Variants in MYOF observed in about 807,000 individuals in gnomAD.
MYOF encodes the protein fer-1-like 3, myoferlin.
MYOF carries 244 observed loss-of-function variants against 284.2 expected under a neutral mutation model. That is an observed-to-expected ratio of 0.86 (90% CI 0.77 to 0.95). The LOEUF is 0.95. MYOF is among the 40% of genes least tolerant of loss of function. MYOF has a pLI of 0.00. For synonymous variants in MYOF, 904 were observed against 919.7 expected, an observed-to-expected ratio of 0.98 and a Z score of 0.31; for missense variants, 2,496 against 2,560.6, an observed-to-expected ratio of 0.97 and a Z score of 0.54.
rs41290200 is a variant in MYOF at position 93,387,784 on chromosome 10, C to G, written c.1698+13G>C. 1.2e-6 allele frequency: 2 copies of G among 1,608,320 alleles called. No homozygotes were observed. The highest frequency in any genetic ancestry group is 4.5e-5 in the East Asian group (2 of 44,812). ...TTTTCTATACCATGCATTACTCACA[C>G]TTTAACATTTACCTCAACAACCAGC... On this transcript the variant is annotated intron_variant, in intron 19 of 53. Coordinates refer to ENST00000359263, the MANE Select transcript of MYOF (RefSeq NM_013451.4).
intron 21 of MYOF, 87 bp from the exon 22 acceptor site, chr10:93,377,516 G>A (rs777030352): frequency 3.6e-5 from 35 of 972,596 alleles, no homozygotes; most frequent in Non-Finnish European, 5.3e-5. Context: ...GTGAAATCAT[G>A]TAAATATTTT....
At chr10:93,375,463 G>T (rs145695880) in intron 22 of MYOF, among the ~76,000 whole-genome samples, 5 of 152,364 alleles carry the variant, frequency 3.3e-5, no homozygotes, top group Admixed American at 2.6e-4. Flanking sequence ...GTCTATCTGT[G>T]TCAACACGTA....
intron 2 of MYOF, among the ~76,000 whole-genome samples, chr10:93,453,311 G>A (rs1340474880): frequency 3.9e-5 from 6 of 151,942 alleles, no homozygotes; most frequent in African/African-American, 1.2e-4. Context: ...GATTACAGGC[G>A]CCTGCCACCA....
At position 93,361,454 on chromosome 10, in the gene MYOF, T is replaced by C; in HGVS notation, c.2972A>G (p.Lys991Arg). The change falls in exon 28 of 54, where the codon AAA becomes AGA. Residue 991 changes from lysine to arginine, a missense_variant and splice_region_variant. This residue lies in a region of MYOF where 2,436 missense variants were observed against 2,480.7 expected (regional missense o/e 0.98). Coordinates refer to ENST00000359263, the MANE Select transcript of MYOF (RefSeq NM_013451.4). The stretch of plus-strand genomic sequence containing the variant: ...AGGTCACAGATGTACAATGTTACCT[T>C]TCTCATCCACCGCTCGATTTATGTC... ...SYDINRAVDE[K>R]GWEYGITIPP... 6.2e-7 allele frequency: 1 copy of C among 1,614,094 alleles called. No individual in the cohort carries two copies. Among genetic ancestry groups the C allele is most frequent in the Non-Finnish European group, 8.5e-7 (1 of 1,179,948 alleles).
At chr10:93,392,327 T>C (rs928753495) in intron 17 of MYOF, among the ~76,000 whole-genome samples, 1 of 152,136 alleles carries the variant, frequency 6.6e-6, no homozygotes, top group Admixed American at 6.5e-5. Context: ...ATAATGAACC[T>C]CTCTAAACCT....
intron 2 of MYOF, among the ~76,000 whole-genome samples, chr10:93,454,721 T>C (rs2056691149): frequency 6.6e-6 from 1 of 152,056 alleles, no homozygotes; most frequent in Admixed American, 6.6e-5. Context: ...CTGACGCCTG[T>C]AAACTCAGCA....
intron 1 of MYOF, among the ~76,000 whole-genome samples, chr10:93,466,619 T>G (rs2057014073): frequency 6.6e-6 from 1 of 152,210 alleles, no homozygotes; most frequent in Non-Finnish European, 1.5e-5. Flanking sequence ...GCCAGGCACC[T>G]GGCTTGACTG....
At chr10:93,319,133 A>G (rs1393470803) in intron 49 of MYOF, among the ~76,000 whole-genome samples, 2 of 152,188 alleles carry the variant, frequency 1.3e-5, no homozygotes, top group African/African-American at 4.8e-5. Flanking sequence ...AGAGACATTG[A>G]GGCCCAATTA....
chr10:93,352,148 G>T (rs1273189356), intron 32 of MYOF, among the ~76,000 whole-genome samples: 1 of 152,168 alleles, frequency 6.6e-6, no homozygotes, highest in African/African-American at 2.4e-5. Flanking sequence ...GTTGAGTGAG[G>T]CTCTGCAGTC....
At chr10:93,482,071 A>G in intron 1 of MYOF, 36 bp downstream of exon 1, 1 of 1,569,654 alleles carries the variant, frequency 6.4e-7, no homozygotes, top group Non-Finnish European at 8.8e-7. Context: ...ACATTCCAAA[A>G]CAGGACTTCA....
At chr10:93,315,657 C>G (rs917935369) in intron 50 of MYOF, among the ~76,000 whole-genome samples, 3 of 152,148 alleles carry the variant, frequency 2.0e-5, no homozygotes, top group African/African-American at 7.2e-5. Flanking sequence ...TTTGACTGTA[C>G]TGCAGGCACT....
At chr10:93,401,811 G>A (rs1277844469) in intron 11 of MYOF, among the ~76,000 whole-genome samples, 1 of 83,216 alleles carries the variant, frequency 1.2e-5, no homozygotes, top group African/African-American at 3.2e-5. Context: ...GTGTGTGTGT[G>A]TGTGTGTGTG....
chr10:93,306,540 T>C lies in MYOF; in HGVS notation c.*423A>G, dbSNP rs1366565617. ...GCATAAATAAGAATTGTTCTAACTA[T>C]TCTAACTGATTTTATAATGCACAGC... is the stretch of plus-strand genomic sequence containing the variant. On this transcript the variant is annotated 3_prime_UTR_variant, in exon 54 of 54. Coordinates refer to ENST00000359263, the MANE Select transcript of MYOF (RefSeq NM_013451.4). 6.0e-6 allele frequency: 1 copy of C among 167,134 alleles called. No homozygotes were observed. Among genetic ancestry groups the C allele is most frequent in the Non-Finnish European group, 1.3e-5 (1 of 78,704 alleles). 10.4% of individuals were successfully genotyped at this position (167,134 alleles called of 1,614,324 possible). A position where few individuals can be genotyped will look rare whatever the true frequency, so the allele number is the denominator to read the frequency against.
chr10:93,319,194 G>A (rs1257710625), intron 49 of MYOF, among the ~76,000 whole-genome samples: 1 of 152,212 alleles, frequency 6.6e-6, no homozygotes, highest in Non-Finnish European at 1.5e-5. Context: ...TTCTGCTGAG[G>A]TTTGCGGGGA....
At chr10:93,474,154 C>A (rs1447865171) in intron 1 of MYOF, among the ~76,000 whole-genome samples, 1 of 152,110 alleles carries the variant, frequency 6.6e-6, no homozygotes, top group African/African-American at 2.4e-5. Context: ...CTTATTAGTG[C>A]CTTCCTTCTG....
intron 3 of MYOF, among the ~76,000 whole-genome samples, chr10:93,434,734 C>T (rs1457021294): frequency 6.6e-6 from 1 of 152,024 alleles, no homozygotes; most frequent in East Asian, 1.9e-4. Context: ...TTTACATTAA[C>T]AGAAAAAAAG....
At chr10:93,337,580 C>T (rs939434130) in intron 40 of MYOF, 3 of 469,844 alleles carry the variant, frequency 6.4e-6, no homozygotes, top group Non-Finnish European at 1.1e-5. Flanking sequence ...TGCCAGATGC[C>T]TCCAAGCCCC....
intron 19 of MYOF, among the ~76,000 whole-genome samples, chr10:93,384,366 G>A (rs576062880): frequency 7.9e-5 from 12 of 152,330 alleles, no homozygotes; most frequent in East Asian, 3.9e-4. Flanking sequence ...TGGGCTGGGC[G>A]TGGTGGTTTA....
intron 32 of MYOF, 56 bp from the exon 33 acceptor site, chr10:93,351,902 A>T (rs993442476): frequency 4.8e-6 from 7 of 1,460,306 alleles, no homozygotes; most frequent in Admixed American, 2.3e-5. Flanking sequence ...AACTCCCCAG[A>T]ACCACTCAGT....
Sources: gnomAD v4.1 joint callset for allele counts (sites outside exome capture counted in the v4.1 genomes callset) on GRCh38, gnomAD v4.1.1 for gene constraint, gnomAD v4.1.1 regional missense constraint, MANE v1.5 for transcripts, NCBI Gene and HGNC (gene_info 2026-07-23, HGNC 2026-07-21) for gene names.